The following MDGA2 variants were observed in gnomAD, a reference collection of about 807,000 sequenced individuals.
MDGA2 encodes MAM domain-containing glycosylphosphatidylinositol anchor protein 2.
In MDGA2, 40 loss-of-function variants were observed where a neutral mutation model predicts 117.8. The observed-to-expected ratio is 0.34, with a 90% CI of 0.26 to 0.44. The LOEUF is 0.44. Ranked by LOEUF, MDGA2 falls within the 20% of genes least tolerant of loss-of-function variation. The pLI is 1.00. For missense variants in MDGA2, 1,123 were observed against 1,250.6 expected (o/e 0.90, Z 1.54); for synonymous variants, 452 against 439.0 (o/e 1.03, Z -0.37).
intron 1 of MDGA2, among the ~76,000 whole-genome samples, chr14:47,590,932 C>T (rs1271774362): frequency 6.6e-6 from 1 of 151,866 alleles, no homozygotes; most frequent in East Asian, 1.9e-4. Flanking sequence ...CCATTGACTT[C>T]ACAAAGTAAC....
chr14:47,038,754 G>A (rs1000364354), intron 7 of MDGA2, among the ~76,000 whole-genome samples: 14 of 151,618 alleles, frequency 9.2e-5, no homozygotes, highest in Non-Finnish European at 1.8e-4. Flanking sequence ...TGGTCAACAC[G>A]GTAAACCCCA....
intron 6 of MDGA2, among the ~76,000 whole-genome samples, chr14:47,078,554 A>T (rs1890581576): frequency 6.6e-6 from 1 of 152,182 alleles, no homozygotes; most frequent in African/African-American, 2.4e-5. Context: ...AGGACAGCAC[A>T]ACTCACCAAC....
intron 10 of MDGA2, among the ~76,000 whole-genome samples, chr14:46,916,328 G>A (rs1883896375): frequency 1.3e-5 from 2 of 152,008 alleles, no homozygotes; most frequent in African/African-American, 4.8e-5. Flanking sequence ...ACCTGAGTTC[G>A]AGCCTTGGCT....
At chr14:47,181,844 G>T (rs974023088) in intron 3 of MDGA2, among the ~76,000 whole-genome samples, 1 of 152,012 alleles carries the variant, frequency 6.6e-6, no homozygotes, top group East Asian at 1.9e-4. Flanking sequence ...AATTAAAAAG[G>T]CTATGTCCTA....
chr14:47,449,029 G>A (rs747806705), intron 1 of MDGA2, among the ~76,000 whole-genome samples: 32 of 152,194 alleles, frequency 2.1e-4, no homozygotes, highest in Non-Finnish European at 4.1e-4. Flanking sequence ...TGAAAAGAAA[G>A]CATTTCTCCA....
At chr14:47,166,355 T>C (rs1362298133) in intron 3 of MDGA2, among the ~76,000 whole-genome samples, 1 of 152,150 alleles carries the variant, frequency 6.6e-6, no homozygotes, top group Non-Finnish European at 1.5e-5. Context: ...TTTTAACCTT[T>C]AATTCATTCT....
intron 9 of MDGA2, among the ~76,000 whole-genome samples, chr14:46,927,368 C>T (rs367555171): frequency 2.0e-5 from 3 of 151,856 alleles, no homozygotes; most frequent in South Asian, 4.1e-4. Context: ...TTGAAAGATA[C>T]TAAATTAATA....
chr14:47,525,360 A>G (rs1894950745), intron 1 of MDGA2, among the ~76,000 whole-genome samples: 1 of 152,058 alleles, frequency 6.6e-6, no homozygotes, highest in African/African-American at 2.4e-5. Context: ...GTCACTTTCT[A>G]TAAATGTGGA....
At chr14:47,238,978 G>C (rs1191518763) in intron 2 of MDGA2, among the ~76,000 whole-genome samples, 1 of 151,682 alleles carries the variant, frequency 6.6e-6, no homozygotes, top group Non-Finnish European at 1.5e-5. Flanking sequence ...TAAGTAAATT[G>C]TGATCGGCTC....
At chr14:47,569,579 G>A (rs1895981894) in intron 1 of MDGA2, among the ~76,000 whole-genome samples, 1 of 152,176 alleles carries the variant, frequency 6.6e-6, no homozygotes, top group Non-Finnish European at 1.5e-5. Context: ...AAAAATGGTA[G>A]GGCAGTAAGT....
chr14:47,310,918 A>T (rs1412319571), intron 1 of MDGA2, among the ~76,000 whole-genome samples: 1 of 152,152 alleles, frequency 6.6e-6, no homozygotes, highest in Non-Finnish European at 1.5e-5. Flanking sequence ...TTAATCCTTA[A>T]AATCTTTGAT....
chr14:47,014,180 T>C (rs889331523), intron 8 of MDGA2, among the ~76,000 whole-genome samples: 5 of 152,132 alleles, frequency 3.3e-5, no homozygotes, highest in Non-Finnish European at 7.4e-5. Flanking sequence ...GTCTCATCAG[T>C]GGGCTTAAAA....
Position 46,882,062 on chromosome 14 carries a change from G to A in MDGA2, c.2398C>T (p.Arg800Cys), listed in dbSNP as rs776310493. 15 of 1,605,650 alleles carry A rather than the reference G, an allele frequency of 9.3e-6. No homozygotes were observed. The highest frequency in any genetic ancestry group is 8.4e-5 in the Admixed American group (5 of 59,662). The change falls in exon 11 of 17, where the codon CGT becomes TGT. Residue 800 changes from arginine (R) to cysteine (C), a missense_variant. Arg to Cys is a radical substitution (Grantham distance 180). Transcript: ENST00000399232. ...TACTTACCACTATATTTGATCACACGAATTGTTGAATCTCCTTCACCAAAT... is the reference window on the plus strand; with the variant it reads ...TACTTACCACTATATTTGATCACACAAATTGTTGAATCTCCTTCACCAAAT... Reference protein sequence around the residue: ...TKFGEGDSTIRVIKYSAPVNP... With the variant: ...TKFGEGDSTICVIKYSAPVNP...
At chr14:47,513,904 T>C (rs565701288) in intron 1 of MDGA2, among the ~76,000 whole-genome samples, 4 of 152,252 alleles carry the variant, frequency 2.6e-5, no homozygotes, top group African/African-American at 7.2e-5. Flanking sequence ...TCAGATACTA[T>C]TGGAATAGTC....
chr14:47,126,678 A>G (rs949885841), intron 5 of MDGA2, among the ~76,000 whole-genome samples: 2 of 152,108 alleles, frequency 1.3e-5, no homozygotes, highest in African/African-American at 4.8e-5. Flanking sequence ...GAATGGGCTC[A>G]TGGAAACAGT....
At chr14:47,090,441 A>G (rs1302045047) in intron 6 of MDGA2, among the ~76,000 whole-genome samples, 1 of 152,184 alleles carries the variant, frequency 6.6e-6, no homozygotes, top group African/African-American at 2.4e-5. Flanking sequence ...CATTGATTCT[A>G]AAATCATTTA....
chr14:47,086,990 T>A (rs1240843057), intron 6 of MDGA2, among the ~76,000 whole-genome samples: 1 of 152,166 alleles, frequency 6.6e-6, no homozygotes, highest in Non-Finnish European at 1.5e-5. Flanking sequence ...CTGACACAGA[T>A]ATAGCATAGA....
chr14:47,180,346 A>C (rs749385172), intron 3 of MDGA2, among the ~76,000 whole-genome samples: 7 of 152,172 alleles, frequency 4.6e-5, no homozygotes, highest in Non-Finnish European at 7.4e-5. Context: ...AAAATTGACA[A>C]ATGGGATTTC....
intron 7 of MDGA2, among the ~76,000 whole-genome samples, chr14:47,041,504 T>G (rs1384691554): frequency 1.3e-5 from 2 of 152,034 alleles, no homozygotes; most frequent in African/African-American, 4.8e-5. Flanking sequence ...AGTATATATG[T>G]TACAGTATAT....
Sources: gnomAD v4.1 joint callset for allele counts (sites outside exome capture counted in the v4.1 genomes callset) on GRCh38, gnomAD v4.1.1 for gene constraint, MANE v1.5 for transcripts, NCBI Gene and HGNC (gene_info 2026-07-23, HGNC 2026-07-21) for gene names.